The following TIAM2 variants were observed in gnomAD, a reference collection of about 807,000 sequenced individuals.
TIAM2 encodes rho guanine nucleotide exchange factor TIAM2.
In TIAM2, 80 loss-of-function variants were observed where a neutral mutation model predicts 152.9. That is an observed-to-expected ratio of 0.52 (90% CI 0.44 to 0.63). The LOEUF is 0.63. Among genes scored for constraint, TIAM2 ranks in the 30% least tolerant of loss-of-function variants. TIAM2 has a pLI of 0.00. For missense variants in TIAM2, 1,965 were observed against 2,120.1 expected (o/e 0.93, Z 1.44); for synonymous variants, 804 against 838.0 (o/e 0.96, Z 0.70).
intron 1 of TIAM2, among the ~76,000 whole-genome samples, chr6:155,086,278 C>T (rs1166532252): frequency 3.3e-5 from 5 of 152,190 alleles, no homozygotes; most frequent in East Asian, 1.9e-4. Flanking sequence ...AGCTCTTTCC[C>T]GCTGTCTACA....
chr6:155,237,288 G>A (rs1782815640), intron 15 of TIAM2, among the ~76,000 whole-genome samples: 1 of 152,252 alleles, frequency 6.6e-6, no homozygotes, highest in Admixed American at 6.5e-5. Flanking sequence ...TGATGCAAGA[G>A]GTGGGTTCTC....
chr6:155,158,979 A>G (rs1316832633), intron 7 of TIAM2, among the ~76,000 whole-genome samples: 1 of 152,170 alleles, frequency 6.6e-6, no homozygotes, highest in Non-Finnish European at 1.5e-5. Context: ...GTCAGGTAAT[A>G]CATTACTATT....
chr6:155,221,757 TC>T (rs1782052796), intron 15 of TIAM2, among the ~76,000 whole-genome samples: 1 of 152,110 alleles, frequency 6.6e-6, no homozygotes, highest in Admixed American at 6.5e-5. Flanking sequence ...ATCTTCCCTC[TC>T]CATGCCCCTC....
In TIAM2 at chr6:155,254,547, A is replaced by G. The variant is rs773155133; in HGVS notation, c.4442A>G (p.Asn1481Ser). The change falls in exon 26 of 27, where the codon AAC becomes AGC. Residue 1481 changes from asparagine (N) to serine (S), a missense_variant. Physicochemically the swap from Asn to Ser is conservative, Grantham distance 46 (BLOSUM62 1). Coordinates refer to ENST00000682666, the MANE Select transcript of TIAM2 (RefSeq NM_012454.4). The part of the protein sequence containing the change: ...TCKDRLVPLK[N>S]RVPVSAKLAS... Reference sequence around the variant, plus strand: ...AAGGATCGCCTGGTACCTCTTAAGAACCGAGTTCCTGTTTCGGCCAAATTA... The same window carrying G: ...AAGGATCGCCTGGTACCTCTTAAGAGCCGAGTTCCTGTTTCGGCCAAATTA... The G allele has an allele frequency of 5.6e-6, 9 of 1,613,216 alleles. No homozygotes were observed. Among genetic ancestry groups the G allele is most frequent in the Non-Finnish European group, 6.8e-6 (8 of 1,179,336 alleles).
chr6:155,194,670 A>G (rs1044368930), intron 14 of TIAM2, among the ~76,000 whole-genome samples: 2 of 152,216 alleles, frequency 1.3e-5, no homozygotes, highest in Admixed American at 1.3e-4. Context: ...GAACATTTGA[A>G]CAAATGAGTA....
At chr6:155,054,146 C>G in intron 1 of TIAM2, among the ~76,000 whole-genome samples, 1 of 152,148 alleles carries the variant, frequency 6.6e-6, no homozygotes, top group East Asian at 1.9e-4. Flanking sequence ...GCACTGCAGC[C>G]TTGGGTGACA....
intron 15 of TIAM2, among the ~76,000 whole-genome samples, chr6:155,229,950 AACC>A (rs1157437206): frequency 2.6e-5 from 4 of 151,976 alleles, no homozygotes; most frequent in African/African-American, 4.8e-5. Flanking sequence ...GCATGGGAGA[AACC>A]CACCCCCATG....
Position 155,242,458 on chromosome 6 carries a change from C to T in TIAM2, c.3349-1553C>T, listed in dbSNP as rs1336577808. Among the ~76,000 whole-genome samples the T allele has an allele frequency of 4.6e-5, 7 of 152,136 alleles. No homozygotes were observed. In the East Asian group the frequency reaches 5.8e-4, roughly 13 times the overall value. On this transcript the variant is annotated intron_variant, in intron 16 of 26. Transcript: ENST00000682666. ...CATCTCCCTTCTCTGAGCGGTCTGG[C>T]GTGGAATATGGTGAGGGAAGGCCAG...
intron 1 of TIAM2, among the ~76,000 whole-genome samples, chr6:155,045,432 T>G: frequency 7.0e-6 from 1 of 143,350 alleles, no homozygotes; most frequent in East Asian, 2.0e-4. Flanking sequence ...TTTTCTCGAG[T>G]TTTTCTTAAA....
In TIAM2 at chr6:155,256,734, T is replaced by C. The variant is rs748024545; in HGVS notation, c.4719T>C (p.Asp1573=). 5.3e-5 allele frequency: 85 copies of C among 1,614,076 alleles called. No individual in the cohort carries two copies. Among genetic ancestry groups the C allele is most frequent in the Non-Finnish European group, 6.8e-5 (80 of 1,180,050 alleles). ...KESDILSDED[D]DHRQTVKQGS... ...GTGACATCCTGAGCGATGAAGATGA[T>C]GACCACCGTCAGACTGTGAAGCAGG... Residue 1573 remains aspartate, a synonymous_variant, in exon 27 of 27, where the codon GAT becomes GAC. Transcript: ENST00000682666.
rs1431276521 is a variant in TIAM2 at position 155,044,818 on chromosome 6, ACT to A, written c.-208-45468_-208-45467del. 4.8e-5 allele frequency among the ~76,000 whole-genome samples: 7 copies of A among 144,406 alleles called. No individual in the cohort carries two copies. The East Asian group carries it at 1.2e-3, about 25-fold the overall frequency. 94.7% of individuals were successfully genotyped at this position (144,406 alleles called of 152,430 possible). On this transcript the variant is annotated intron_variant, in intron 1 of 26. Transcript: ENST00000682666. ...ACTCCAGCCTGGGCGACAGAGCAAGACTCTGTCTCGAAAAAAAAAAATAGCTC... is the reference window on the plus strand; with the variant it reads ...ACTCCAGCCTGGGCGACAGAGCAAGACTGTCTCGAAAAAAAAAAATAGCTC...
chr6:155,243,946 A>ACCCAAAT lies in TIAM2; in HGVS notation c.3349-63_3349-57dup, dbSNP rs1554246665. 4 of 1,400,176 alleles carry ACCCAAAT rather than the reference A, an allele frequency of 2.9e-6. No homozygotes were observed. In the East Asian group the frequency reaches 9.5e-5, roughly 33 times the overall value. The allele number at this position is 1,400,176 out of a possible 1,614,324, so 86.7% of individuals were successfully genotyped here. A position where few individuals can be genotyped will look rare whatever the true frequency, so the allele number is the denominator to read the frequency against. The stretch of plus-strand genomic sequence containing the variant: ...TGGGAGCTGCTGCCAGGTTGCTGCT[A>ACCCAAAT]CCCAAATCTCATGGGTATTTTGGAG... On this transcript the variant is annotated intron_variant, in intron 16 of 26. Transcript: ENST00000682666.
Position 155,049,412 on chromosome 6 carries a change from A to C in TIAM2, c.-208-40877A>C, listed in dbSNP as rs545536030. 2.0e-5 allele frequency among the ~76,000 whole-genome samples: 3 copies of C among 152,222 alleles called. No individual in the cohort carries two copies. The South Asian group carries it at 6.2e-4, about 32-fold the overall frequency. ...TTGCAGCCTTAAAATAAAATTAGATAATGGAAATTGGCTCTGTTTAGTCTC... is the reference window on the plus strand; with the variant it reads ...TTGCAGCCTTAAAATAAAATTAGATCATGGAAATTGGCTCTGTTTAGTCTC... On this transcript the variant is annotated intron_variant, in intron 1 of 26. Coordinates refer to ENST00000682666, the MANE Select transcript of TIAM2 (RefSeq NM_012454.4).
intron 1 of TIAM2, among the ~76,000 whole-genome samples, chr6:155,037,123 T>G (rs1444781199): frequency 1.3e-5 from 2 of 152,196 alleles, no homozygotes; most frequent in Non-Finnish European, 2.9e-5. Context: ...GGAACATCTT[T>G]GGCGTTAGCT....
intron 2 of TIAM2, among the ~76,000 whole-genome samples, chr6:155,094,545 A>AGTTT (rs1562313996): frequency 1.2e-5 from 1 of 80,666 alleles, no homozygotes; most frequent in African/African-American, 4.6e-5. Flanking sequence ...CTTCACTCAG[A>AGTTT]CTTTTTTTTT....
intron 7 of TIAM2, among the ~76,000 whole-genome samples, chr6:155,160,988 A>G (rs1035667630): frequency 6.6e-6 from 1 of 152,210 alleles, no homozygotes; most frequent in South Asian, 2.1e-4. Context: ...CTTGATTTTT[A>G]TAAGGTCTCC....
intron 15 of TIAM2, among the ~76,000 whole-genome samples, chr6:155,233,437 G>A (rs554091629): frequency 6.6e-5 from 10 of 152,258 alleles, no homozygotes; most frequent in South Asian, 2.1e-4. Flanking sequence ...TTCAAAGACC[G>A]TCAAAGAGGG....
intron 1 of TIAM2, among the ~76,000 whole-genome samples, chr6:155,002,055 A>C (rs1778321545): frequency 6.6e-6 from 1 of 152,120 alleles, no homozygotes; most frequent in Non-Finnish European, 1.5e-5. Flanking sequence ...TCATCTCTAA[A>C]AGAAGGATGA....
In TIAM2 at chr6:155,183,446, C is replaced by T; in HGVS notation, c.3010C>T (p.Gln1004Ter). 2 of 1,614,132 alleles carry T rather than the reference C, an allele frequency of 1.2e-6. No individual in the cohort carries two copies. The highest frequency in any genetic ancestry group is 1.7e-6 in the Non-Finnish European group (2 of 1,180,034). The part of the protein sequence containing the change: ...DQKSLLPPPN[Q>*]SQLLEEFLDN... ...GAAGAGTCTGCTGCCCCCTCCTAAC[C>T]AGTCCCAACTGCTGGAGGAATTCCT... Residue 1004 changes from glutamine (Q) to a stop codon, truncating the protein, a stop_gained, in exon 14 of 27, where the codon CAG becomes TAG. Transcript: ENST00000682666. LOFTEE classifies it high-confidence loss of function.
Sources: allele counts gnomAD v4.1 joint callset (sites outside exome capture counted in the v4.1 genomes callset), GRCh38; gene constraint gnomAD v4.1.1; transcripts MANE v1.5; gene names NCBI Gene and HGNC (gene_info 2026-07-23, HGNC 2026-07-21).